Variants in CHN1 observed in about 807,000 individuals in gnomAD.
CHN1 encodes N-chimaerin.
CHN1 carries 37 observed loss-of-function variants against 59.5 expected under a neutral mutation model. That is an observed-to-expected ratio of 0.62 (90% CI 0.48 to 0.82). CHN1 has a LOEUF of 0.82. Among genes scored for constraint, CHN1 ranks in the 40% least tolerant of loss-of-function variants. The pLI, the probability that CHN1 is intolerant of heterozygous loss-of-function variation, is 0.00. For missense variants in CHN1, 469 were observed against 571.0 expected, an observed-to-expected ratio of 0.82 and a Z score of 1.82; for synonymous variants, 206 against 200.4, an observed-to-expected ratio of 1.03 and a Z score of -0.24.
At chr2:174,808,734 T>C (rs1684982862) in intron 11 of CHN1, among the ~76,000 whole-genome samples, 171 bp downstream of exon 11, 2 of 152,224 alleles carry the variant, frequency 1.3e-5, no homozygotes, top group Admixed American at 6.5e-5. Context: ...TATTAAGTCA[T>C]AAAATAATCT....
intron 6 of CHN1, among the ~76,000 whole-genome samples, chr2:174,849,180 C>A (rs1686644245): frequency 6.6e-6 from 1 of 152,274 alleles, no homozygotes; most frequent in Non-Finnish European, 1.5e-5. Context: ...TTTTATAGAT[C>A]ATTCCTGGTT....
At chr2:174,888,617 A>T (rs1227054988) in intron 5 of CHN1, among the ~76,000 whole-genome samples, 1 of 152,216 alleles carries the variant, frequency 6.6e-6, no homozygotes, top group African/African-American at 2.4e-5. Context: ...CTCCAGGTAA[A>T]TGCAAAGCCC....
At chr2:174,974,323 T>G (rs1027256723) in intron 1 of CHN1, among the ~76,000 whole-genome samples, 2 of 152,218 alleles carry the variant, frequency 1.3e-5, no homozygotes, top group African/African-American at 4.8e-5. Flanking sequence ...ATCGTCTGCA[T>G]GCTTTACTGC....
intron 6 of CHN1, among the ~76,000 whole-genome samples, chr2:174,863,195 CAG>C (rs770464271): frequency 2.0e-5 from 3 of 152,128 alleles, no homozygotes; most frequent in Non-Finnish European, 4.4e-5. Context: ...CTACGTAACT[CAG>C]TGAACCAATA....
rs769431011 is a variant in CHN1 at position 174,824,526 on chromosome 2, A to G, written c.628-8T>C. On this transcript the variant is annotated splice_polypyrimidine_tract_variant and splice_region_variant and intron_variant, in intron 7 of 12. Transcript: ENST00000409900. ...CCCTCTGAATGTATGCACCTGAAAA[A>G]AAAAAAGAGGGGCAAAGTCAGGAAA... 6.3e-7 allele frequency: 1 copy of G among 1,582,814 alleles called. No individual in the cohort carries two copies. The highest frequency in any genetic ancestry group is 2.3e-5 in the East Asian group (1 of 43,808).
intron 6 of CHN1, among the ~76,000 whole-genome samples, chr2:174,851,016 G>A (rs1457491261): frequency 6.6e-6 from 1 of 152,124 alleles, no homozygotes; most frequent in Non-Finnish European, 1.5e-5. Context: ...AGGATGTGGA[G>A]GTCTGAGCTC....
At chr2:174,957,035 C>G (rs984188661) in intron 1 of CHN1, among the ~76,000 whole-genome samples, 1 of 152,070 alleles carries the variant, frequency 6.6e-6, no homozygotes, top group African/African-American at 2.4e-5. Flanking sequence ...TTTAAAGACA[C>G]CTTATTTCGT....
intron 1 of CHN1, among the ~76,000 whole-genome samples, chr2:174,976,913 A>G (rs182522810): frequency 6.6e-6 from 1 of 152,334 alleles, no homozygotes; most frequent in East Asian, 1.9e-4. Flanking sequence ...AACATCATAA[A>G]AGATGAAAAA....
chr2:174,802,015 T>C, intron 11 of CHN1: 1 of 428,250 alleles, frequency 2.3e-6, no homozygotes, highest in South Asian at 2.3e-5. Flanking sequence ...GGCAACACTA[T>C]TTACTTGGAC....
At chr2:174,928,584 GA>G (rs1689242987) in intron 3 of CHN1, among the ~76,000 whole-genome samples, 1 of 152,154 alleles carries the variant, frequency 6.6e-6, no homozygotes, top group Non-Finnish European at 1.5e-5. Context: ...AGGGCAAAAT[GA>G]GTTTTTCCAC....
At chr2:174,898,394 G>A (rs1337756465) in intron 5 of CHN1, among the ~76,000 whole-genome samples, 1 of 150,024 alleles carries the variant, frequency 6.7e-6, no homozygotes, top group East Asian at 2.0e-4. Context: ...GAGGTCAGGA[G>A]ATTGAGACCA....
intron 8 of CHN1, among the ~76,000 whole-genome samples, chr2:174,821,931 A>C (rs1685513495): frequency 6.6e-6 from 1 of 152,188 alleles, no homozygotes; most frequent in African/African-American, 2.4e-5. Context: ...TTGTTCTGGG[A>C]ATTAGAAGCG....
chr2:174,980,284 T>C (rs558580226), intron 1 of CHN1, among the ~76,000 whole-genome samples: 1 of 152,156 alleles, frequency 6.6e-6, no homozygotes, highest in African/African-American at 2.4e-5. Flanking sequence ...TCCTTGCTTG[T>C]TTACTTGAAA....
At chr2:174,851,624 C>A (rs1295405756) in intron 6 of CHN1, among the ~76,000 whole-genome samples, 2 of 152,156 alleles carry the variant, frequency 1.3e-5, no homozygotes, top group South Asian at 2.1e-4. Flanking sequence ...GTAGGTTCAT[C>A]TGAATGAGGC....
intron 1 of CHN1, among the ~76,000 whole-genome samples, chr2:175,000,871 A>T (rs1691868955): frequency 6.6e-6 from 1 of 152,160 alleles, no homozygotes; most frequent in Admixed American, 6.5e-5. Flanking sequence ...TGGGCCACCC[A>T]TTACAGATGT....
At chr2:174,915,197 C>G (rs753800583) in intron 4 of CHN1, 26 bp from the exon 5 acceptor site, 1 of 1,527,666 alleles carries the variant, frequency 6.5e-7, no homozygotes, top group African/African-American at 1.4e-5. Context: ...TATTCAGAAA[C>G]TGTGCTTTCT....
At chr2:174,847,479 T>C in intron 6 of CHN1, 1 of 1,180,688 alleles carries the variant, frequency 8.5e-7, no homozygotes, top group Non-Finnish European at 1.1e-6. Flanking sequence ...TGACAAATGA[T>C]ACATTTCTAA....
chr2:174,952,614 G>C (rs1230612836), intron 1 of CHN1, among the ~76,000 whole-genome samples: 1 of 152,138 alleles, frequency 6.6e-6, no homozygotes, highest in East Asian at 1.9e-4. Flanking sequence ...CACCGCAAAA[G>C]TTAAGTATTT....
intron 1 of CHN1, among the ~76,000 whole-genome samples, chr2:174,978,253 T>C (rs1441721061): frequency 1.3e-5 from 2 of 152,222 alleles, no homozygotes; most frequent in African/African-American, 2.4e-5. Flanking sequence ...CCCACTCCTC[T>C]AGGTTTTAAA....
Sources: gnomAD v4.1 joint callset for allele counts (sites outside exome capture counted in the v4.1 genomes callset) on GRCh38, gnomAD v4.1.1 for gene constraint, MANE v1.5 for transcripts, NCBI Gene and HGNC (gene_info 2026-07-23, HGNC 2026-07-21) for gene names.